Variants in CDS1 observed in about 807,000 individuals in gnomAD.
CDS1 encodes CDP-diacylglycerol synthase 1.
In CDS1, 41 loss-of-function variants were observed where a neutral mutation model predicts 62.1. That is an observed-to-expected ratio of 0.66 (90% CI 0.51 to 0.86). CDS1 has a LOEUF of 0.86. Among genes scored for constraint, CDS1 ranks in the 40% least tolerant of loss-of-function variants. CDS1 has a pLI of 0.00. For missense variants in CDS1, 470 were observed against 550.1 expected, an observed-to-expected ratio of 0.85 and a Z score of 1.46; for synonymous variants, 185 against 192.6, an observed-to-expected ratio of 0.96 and a Z score of 0.32.
intron 5 of CDS1, among the ~76,000 whole-genome samples, chr4:84,626,463 GTTATT>G (rs1460968444): frequency 6.6e-6 from 1 of 152,088 alleles, no homozygotes; most frequent in Non-Finnish European, 1.5e-5. Flanking sequence ...CTTTTTGTTT[GTTATT>G]TTGAGACAGG....
chr4:84,599,784 T>C (rs1481688371), intron 1 of CDS1, among the ~76,000 whole-genome samples: 1 of 152,160 alleles, frequency 6.6e-6, no homozygotes, highest in African/African-American at 2.4e-5. Context: ...TCCATTTCCC[T>C]GTTGGCTATT....
intron 1 of CDS1, among the ~76,000 whole-genome samples, chr4:84,585,298 A>G (rs1048143080): frequency 6.6e-6 from 1 of 152,174 alleles, no homozygotes; most frequent in Non-Finnish European, 1.5e-5. Context: ...ACTTTGCTAT[A>G]TGTAACCTGT....
Position 84,647,745 on chromosome 4 carries a change from A to T in CDS1, c.1257-812A>T, listed in dbSNP as rs116423185. Among the ~76,000 whole-genome samples, 288 of 152,298 alleles carry T rather than the reference A, an allele frequency of 1.9e-3. 1 individual carries two copies. The highest frequency in any genetic ancestry group is 6.3e-3 in the African/African-American group (260 of 41,552). ...TTGTTAAGTCAAAGATTTTCAGAGT[A>T]AATAGTTCCTCTGCTCATCCTCATT... On this transcript the variant is annotated intron_variant, in intron 12 of 12. Transcript: ENST00000295887.
chr4:84,622,588 A>G (rs897585139), intron 5 of CDS1, among the ~76,000 whole-genome samples: 3 of 152,160 alleles, frequency 2.0e-5, no homozygotes, highest in African/African-American at 7.2e-5. Context: ...GCGAGACTCC[A>G]TCTCAAAATA....
chr4:84,619,046 C>T (rs1408630651), intron 4 of CDS1, among the ~76,000 whole-genome samples: 1 of 94,348 alleles, frequency 1.1e-5, no homozygotes, highest in Non-Finnish European at 1.9e-5. Context: ...TAAATTTATA[C>T]ACACACACAC....
At chr4:84,600,834 A>G (rs1722913675) in intron 1 of CDS1, among the ~76,000 whole-genome samples, 1 of 152,134 alleles carries the variant, frequency 6.6e-6, no homozygotes, top group African/African-American at 2.4e-5. Flanking sequence ...TTTACAGAAG[A>G]AGGTGATGCT....
intron 5 of CDS1, among the ~76,000 whole-genome samples, chr4:84,625,484 A>G (rs1462384444): frequency 1.3e-5 from 2 of 152,158 alleles, no homozygotes; most frequent in African/African-American, 4.8e-5. Context: ...AGAAGAGATG[A>G]CAGGTTTCAT....
At chr4:84,600,664 CCA>C (rs1163066848) in intron 1 of CDS1, among the ~76,000 whole-genome samples, 1 of 152,146 alleles carries the variant, frequency 6.6e-6, no homozygotes, top group African/African-American at 2.4e-5. Context: ...TTTGTCAATA[CCA>C]CATTGTCTTG....
intron 7 of CDS1, among the ~76,000 whole-genome samples, chr4:84,634,885 C>G (rs1211807469): frequency 6.6e-6 from 1 of 152,092 alleles, no homozygotes; most frequent in East Asian, 1.9e-4. Context: ...TATGTTCTGT[C>G]TAAAGAAATG....
intron 4 of CDS1, among the ~76,000 whole-genome samples, chr4:84,617,978 T>C (rs541783627): frequency 6.6e-6 from 1 of 152,290 alleles, no homozygotes; most frequent in Non-Finnish European, 1.5e-5. Context: ...ATAATAATTT[T>C]AGCAAAATAT....
Position 84,604,229 on chromosome 4 carries a change from CTT to C in CDS1, c.118-10_118-9del. On this transcript the variant is annotated splice_polypyrimidine_tract_variant and intron_variant, in intron 1 of 12. Transcript: ENST00000295887. ...AACGTGATTTTGCAAAGTAATTTGT[CTT>C]TTTAATTTTAGGAAACAGATATTGA... 1 of 1,603,230 alleles carries C rather than the reference CTT, an allele frequency of 6.2e-7. No homozygotes were observed.
At chr4:84,597,432 G>C (rs976760005) in intron 1 of CDS1, among the ~76,000 whole-genome samples, 8 of 151,592 alleles carry the variant, frequency 5.3e-5, no homozygotes, top group Non-Finnish European at 8.8e-5. Context: ...GAGTCCAGGA[G>C]TTTGAGACCA....
chr4:84,604,153 T>C, intron 1 of CDS1, 90 bp from the exon 2 acceptor site: 3 of 1,066,296 alleles, frequency 2.8e-6, no homozygotes, highest in Non-Finnish European at 4.1e-6. Flanking sequence ...GTCACTGAGA[T>C]TTGACACACT....
In CDS1 at chr4:84,650,664, T is replaced by G. The variant is rs1724705074; in HGVS notation, c.*1978T>G. On this transcript the variant is annotated 3_prime_UTR_variant, in exon 13 of 13. Coordinates refer to ENST00000295887, the MANE Select transcript of CDS1 (RefSeq NM_001263.4). ...ATTACTGAATATGTGTGTTATAAAATCAATATTATTATAAACAAAATAGGA... is the reference window on the plus strand; with the variant it reads ...ATTACTGAATATGTGTGTTATAAAAGCAATATTATTATAAACAAAATAGGA... The G allele has an allele frequency of 1.3e-5, 2 of 152,172 alleles. No homozygotes were observed. Among genetic ancestry groups the G allele is most frequent in the East Asian group, 3.9e-4 (2 of 5,194 alleles). 9.4% of individuals were successfully genotyped at this position (152,172 alleles called of 1,614,324 possible). A position where few individuals can be genotyped will look rare whatever the true frequency, so the allele number is the denominator to read the frequency against.
intron 5 of CDS1, among the ~76,000 whole-genome samples, chr4:84,630,057 C>T (rs766886421): frequency 2.0e-5 from 3 of 152,034 alleles, no homozygotes; most frequent in Non-Finnish European, 2.9e-5. Flanking sequence ...GGCTTTGAAC[C>T]GAGTCCAGTC....
chr4:84,624,723 A>G (rs1366617470), intron 5 of CDS1, among the ~76,000 whole-genome samples: 1 of 152,100 alleles, frequency 6.6e-6, no homozygotes, highest in Non-Finnish European at 1.5e-5. Flanking sequence ...TTGAGTGTGG[A>G]CCGATAGTGT....
At chr4:84,608,009 A>G (rs1383092957) in intron 2 of CDS1, among the ~76,000 whole-genome samples, 1 of 152,136 alleles carries the variant, frequency 6.6e-6, no homozygotes, top group Non-Finnish European at 1.5e-5. Context: ...TGTATGGCAC[A>G]ATGGGGATGA....
intron 7 of CDS1, among the ~76,000 whole-genome samples, 200 bp from the exon 8 acceptor site, chr4:84,635,064 T>C (rs935879017): frequency 1.3e-5 from 2 of 152,206 alleles, no homozygotes; most frequent in Admixed American, 1.3e-4. Flanking sequence ...GATTTTGCTC[T>C]GTTTAAATTG....
At chr4:84,635,677 TC>T in intron 8 of CDS1, among the ~76,000 whole-genome samples, 1 of 123,164 alleles carries the variant, frequency 8.1e-6, no homozygotes, top group Admixed American at 8.3e-5. Context: ...CTTCCTTCCT[TC>T]CTTCCTTCCT....
Sources: allele counts gnomAD v4.1 joint callset (sites outside exome capture counted in the v4.1 genomes callset), GRCh38; gene constraint gnomAD v4.1.1; transcripts MANE v1.5; gene names NCBI Gene and HGNC (gene_info 2026-07-23, HGNC 2026-07-21).